Variants in AKT3 observed in about 807,000 individuals in gnomAD.
AKT3 encodes RAC-gamma serine/threonine-protein kinase.
A neutral mutation model predicts 65.3 loss-of-function variants in AKT3; 15 were observed. The ratio of observed to expected loss-of-function variants is 0.23; its 90% CI spans 0.15 to 0.35. The LOEUF is 0.35. Among genes scored for constraint, AKT3 ranks in the 10% least tolerant of loss-of-function variants. The pLI is 1.00. For synonymous variants in AKT3, 206 were observed against 183.8 expected (o/e 1.12, Z -0.98); for missense variants, 243 against 576.5 (o/e 0.42, Z 5.92).
rs1187684386 is a variant in AKT3 at position 243,504,729 on chromosome 1, C to T, written c.*520G>A. The stretch of plus-strand genomic sequence containing the variant: ...GCCACAGCTTAGTGATATATGCCTA[C>T]TTCACGCACGGATCTGATGTGCTTT... On this transcript the variant is annotated 3_prime_UTR_variant, in exon 14 of 14. Transcript: ENST00000673466. 5.4e-6 allele frequency: 1 copy of T among 184,298 alleles called. No homozygotes were observed. The highest frequency in any genetic ancestry group is 1.1e-5 in the Non-Finnish European group (1 of 87,026). 11.4% of individuals were successfully genotyped at this position (184,298 alleles called of 1,614,324 possible).
chr1:243,531,753 T>A (rs1671546062), intron 12 of AKT3, among the ~76,000 whole-genome samples: 2 of 152,200 alleles, frequency 1.3e-5, no homozygotes, highest in African/African-American at 2.4e-5. Context: ...AAACATGAGA[T>A]GTCTTTCCAT....
chr1:243,817,165 C>T (rs145419437), intron 2 of AKT3, among the ~76,000 whole-genome samples: 1 of 152,272 alleles, frequency 6.6e-6, no homozygotes, highest in East Asian at 1.9e-4. Context: ...AACCATTCTA[C>T]CATCTTTTAG....
intron 2 of AKT3, among the ~76,000 whole-genome samples, chr1:243,728,242 T>A (rs757804427): frequency 6.6e-6 from 1 of 152,196 alleles, no homozygotes; most frequent in Non-Finnish European, 1.5e-5. Flanking sequence ...ATGGTCATCA[T>A]CCAATTTTAA....
rs1690046311 is a variant in AKT3 at position 243,769,571 on chromosome 1, A to AT, written c.46+73553dup. Among the ~76,000 whole-genome samples, 4 of 152,232 alleles carry AT rather than the reference A, an allele frequency of 2.6e-5. No homozygotes were observed. The South Asian group carries it at 8.3e-4, about 32-fold the overall frequency. ...GACGTTGAGCATCTTTTCATGTATTATTGGCCATTTGATTATCTTCTTTGG... is the reference window on the plus strand; with the variant it reads ...GACGTTGAGCATCTTTTCATGTATTATTTGGCCATTTGATTATCTTCTTTGG... On this transcript the variant is annotated intron_variant, in intron 2 of 13. Coordinates refer to ENST00000673466, the MANE Select transcript of AKT3 (RefSeq NM_005465.7).
rs1316734486 is a variant in AKT3, at chr1:243,746,369, TTTATC to T, written c.47-50658_47-50654del. ...TTACATTTCAATGAGCTAAACATGC[TTTATC>T]TTGAGTGATAAATGTTTTTTCCCCT... On this transcript the variant is annotated intron_variant, in intron 2 of 13. Transcript: ENST00000673466. Among the ~76,000 whole-genome samples, 12 of 152,332 alleles carry T rather than the reference TTTATC, an allele frequency of 7.9e-5. No homozygotes were observed. In the East Asian group the frequency reaches 2.3e-3, roughly 29 times the overall value.
rs942144315 is a variant in AKT3 at position 243,500,470 on chromosome 1, ATTTAC to A, written c.*4774_*4778del. ...AAAACGTACTTAGTGAAATTAGAAA[ATTTAC>A]TTAGAGTATATCAAATATCTGTACA... is the stretch of plus-strand genomic sequence containing the variant. On this transcript the variant is annotated 3_prime_UTR_variant, in exon 14 of 14. Coordinates refer to ENST00000673466, the MANE Select transcript of AKT3 (RefSeq NM_005465.7). 3 of 226,278 alleles carry A rather than the reference ATTTAC, an allele frequency of 1.3e-5. No homozygotes were observed. Among genetic ancestry groups the A allele is most frequent in the East Asian group, 1.3e-4 (2 of 15,548 alleles). The allele number at this position is 226,278 out of a possible 1,614,324, so 14.0% of individuals were successfully genotyped here. A position where few individuals can be genotyped will look rare whatever the true frequency, so the allele number is the denominator to read the frequency against.
At chr1:243,495,162 G>A (rs1461427611), downstream of AKT3, among the ~76,000 whole-genome samples, 3 of 152,204 alleles carry the variant, frequency 2.0e-5, no homozygotes, top group African/African-American at 4.8e-5. Context: ...GCTTGGGTGC[G>A]CCCTGGGGAG....
downstream of AKT3, among the ~76,000 whole-genome samples, chr1:243,497,261 C>G (rs1257407388): frequency 6.7e-6 from 1 of 148,966 alleles, no homozygotes; most frequent in Non-Finnish European, 1.5e-5. Context: ...AAACGGTGAC[C>G]TCCTAGGACA....
chr1:243,804,878 T>A (rs143606342), intron 2 of AKT3, among the ~76,000 whole-genome samples: 1 of 151,810 alleles, frequency 6.6e-6, no homozygotes, highest in East Asian at 1.9e-4. Flanking sequence ...AAGAATATAA[T>A]ATACATTAAC....
chr1:243,711,760 T>G (rs960356397), intron 2 of AKT3, among the ~76,000 whole-genome samples: 37 of 152,198 alleles, frequency 2.4e-4, no homozygotes, highest in African/African-American at 8.4e-4. Context: ...ATGAAGAAAT[T>G]CACATTTAAA....
At chr1:243,638,524 T>C (rs1413606408) in intron 5 of AKT3, among the ~76,000 whole-genome samples, 1 of 152,158 alleles carries the variant, frequency 6.6e-6, no homozygotes, top group Non-Finnish European at 1.5e-5. Context: ...ATTTGTGCCC[T>C]AATGCCCCTC....
At chr1:243,830,192 T>C (rs1050774722) in intron 2 of AKT3, among the ~76,000 whole-genome samples, 2 of 152,186 alleles carry the variant, frequency 1.3e-5, no homozygotes, top group East Asian at 1.9e-4. Context: ...ACCACTTACA[T>C]AGAATCTTTA....
chr1:243,809,800 A>G (rs779301653), intron 2 of AKT3, among the ~76,000 whole-genome samples: 1 of 152,198 alleles, frequency 6.6e-6, no homozygotes, highest in Non-Finnish European at 1.5e-5. Flanking sequence ...ACTCCTCAGC[A>G]AATGTAAAAG....
At chr1:243,513,465 G>T (rs1306407626) in intron 12 of AKT3, among the ~76,000 whole-genome samples, 1 of 152,092 alleles carries the variant, frequency 6.6e-6, no homozygotes, top group African/African-American at 2.4e-5. Flanking sequence ...TACACAATTG[G>T]CTTGAGATCA....
intron 3 of AKT3, among the ~76,000 whole-genome samples, chr1:243,671,668 A>G (rs749300223): frequency 9.2e-5 from 14 of 152,222 alleles, no homozygotes; most frequent in Non-Finnish European, 1.2e-4. Flanking sequence ...CCAGCAGCAG[A>G]TAACTGTTGA....
chr1:243,778,362 G>A (rs1690687839), intron 2 of AKT3, among the ~76,000 whole-genome samples: 1 of 152,168 alleles, frequency 6.6e-6, no homozygotes, highest in Non-Finnish European at 1.5e-5. Flanking sequence ...ACTAAGCCTT[G>A]CAAAGGTTGA....
chr1:243,735,199 T>C (rs1687773305), intron 2 of AKT3: 1 of 152,238 alleles, frequency 6.6e-6, no homozygotes, highest in Non-Finnish European at 1.5e-5. Context: ...AACACGGTCA[T>C]TTATTATCAT....
At chr1:243,521,932 G>A (rs1439016016) in intron 12 of AKT3, among the ~76,000 whole-genome samples, 1 of 152,196 alleles carries the variant, frequency 6.6e-6, no homozygotes, top group Admixed American at 6.5e-5. Context: ...CCTATTGACT[G>A]TAGGTTTATG....
chr1:243,638,162 G>T (rs1323130527), intron 5 of AKT3, among the ~76,000 whole-genome samples: 1 of 152,130 alleles, frequency 6.6e-6, no homozygotes, highest in Non-Finnish European at 1.5e-5. Context: ...GGAGCTATCT[G>T]AGAATTTACT....
Sources: gnomAD v4.1 joint callset for allele counts (sites outside exome capture counted in the v4.1 genomes callset) on GRCh38, gnomAD v4.1.1 for gene constraint, MANE v1.5 for transcripts, NCBI Gene and HGNC (gene_info 2026-07-23, HGNC 2026-07-21) for gene names.